Variants in NXPH1 observed in about 807,000 individuals in gnomAD.
NXPH1 encodes neurexophilin-1.
NXPH1 carries 5 observed loss-of-function variants against 23.7 expected under a neutral mutation model. The ratio of observed to expected loss-of-function variants is 0.21; its 90% confidence interval spans 0.11 to 0.44. The LOEUF (loss-of-function observed/expected upper bound fraction) is 0.44. Ranked by LOEUF, NXPH1 falls within the 20% of genes least tolerant of loss-of-function variation. The pLI is 0.99. For missense variants in NXPH1, 324 were observed against 321.6 expected, an observed-to-expected ratio of 1.01 and a Z score of -0.06; for synonymous variants, 144 against 122.2, an observed-to-expected ratio of 1.18 and a Z score of -1.18.
chr7:8,597,031 G>A (rs1562418647), intron 2 of NXPH1, among the ~76,000 whole-genome samples: 1 of 152,044 alleles, frequency 6.6e-6, no homozygotes, highest in Non-Finnish European at 1.5e-5. Context: ...AAAGCACTGA[G>A]GATAAAGAGA....
intron 2 of NXPH1, among the ~76,000 whole-genome samples, chr7:8,534,861 A>G (rs1479692176): frequency 6.6e-6 from 1 of 152,112 alleles, no homozygotes; most frequent in Non-Finnish European, 1.5e-5. Context: ...TTATGTACCT[A>G]CTAAATTGGA....
chr7:8,750,659 C>G (rs935159491), intron 2 of NXPH1, among the ~76,000 whole-genome samples: 1 of 152,076 alleles, frequency 6.6e-6, no homozygotes, highest in African/African-American at 2.4e-5. Context: ...GCTGGGTGGC[C>G]TTTTCTTCCA....
intron 2 of NXPH1, among the ~76,000 whole-genome samples, chr7:8,694,274 C>A (rs920022985): frequency 6.6e-6 from 1 of 152,126 alleles, no homozygotes; most frequent in Non-Finnish European, 1.5e-5. Context: ...TTCAGATGCC[C>A]CTATGTGCAT....
chr7:8,461,304 T>G lies in NXPH1; in HGVS notation c.54+25537T>G, dbSNP rs76344784. 6.0e-3 allele frequency among the ~76,000 whole-genome samples: 921 copies of G among 152,314 alleles called. 9 individuals carry two copies. Among genetic ancestry groups the G allele is most frequent in the African/African-American group, 0.021 (892 of 41,566 alleles). On this transcript the variant is annotated intron_variant, in intron 2 of 2. Coordinates refer to ENST00000405863, the MANE Select transcript of NXPH1 (RefSeq NM_152745.3). ...ATTCTCCAGGTTGTATTTTTTTTCCTTTCTCTCTTCTTTTGCTTAAAACAC... is the reference window on the plus strand; with the variant it reads ...ATTCTCCAGGTTGTATTTTTTTTCCGTTCTCTCTTCTTTTGCTTAAAACAC...
intron 2 of NXPH1, among the ~76,000 whole-genome samples, chr7:8,575,443 A>G (rs1000115545): frequency 3.9e-5 from 6 of 152,120 alleles, no homozygotes; most frequent in Non-Finnish European, 8.8e-5. Context: ...AGAAATTTGG[A>G]GTTCATGTTT....
rs534795807 is a variant in NXPH1, at chr7:8,634,958, T to G, written c.55-116050T>G. On this transcript the variant is annotated intron_variant, in intron 2 of 2. Coordinates refer to ENST00000405863, the MANE Select transcript of NXPH1 (RefSeq NM_152745.3). The stretch of plus-strand genomic sequence containing the variant: ...ACTTTCTGCTGTGTGTAGAAATGAC[T>G]CTTTTGCTTCTCACCATTGACATAT... Among the ~76,000 whole-genome samples the G allele has an allele frequency of 1.3e-4, 19 of 150,068 alleles. 1 individual carries two copies. Among genetic ancestry groups the G allele is most frequent in the South Asian group, 8.3e-4 (4 of 4,794 alleles).
chr7:8,556,401 A>T (rs1818359345), intron 2 of NXPH1, among the ~76,000 whole-genome samples: 1 of 151,672 alleles, frequency 6.6e-6, no homozygotes, highest in South Asian at 2.1e-4. Flanking sequence ...TTGCTCACTC[A>T]CCTGGCTGTC....
intron 2 of NXPH1, among the ~76,000 whole-genome samples, chr7:8,519,491 C>T (rs1457906428): frequency 1.3e-5 from 2 of 152,124 alleles, no homozygotes; most frequent in East Asian, 3.8e-4. Context: ...ACTGAAGATA[C>T]ACTTAAACTA....
intron 2 of NXPH1, among the ~76,000 whole-genome samples, chr7:8,696,541 T>C (rs7780955): frequency 0.11 from 17,086 of 152,180 alleles, 1,736 homozygotes; most frequent in African/African-American, 0.27. Flanking sequence ...GATATAACTT[T>C]TTAAACGGAC....
intron 2 of NXPH1, among the ~76,000 whole-genome samples, chr7:8,632,526 A>G (rs1016615736): frequency 1.3e-5 from 2 of 152,086 alleles, no homozygotes; most frequent in African/African-American, 4.8e-5. Context: ...GATTTTTCTC[A>G]CTTATATGCT....
intron 2 of NXPH1, among the ~76,000 whole-genome samples, chr7:8,695,871 C>G (rs1452308315): frequency 1.3e-5 from 2 of 152,096 alleles, no homozygotes; most frequent in Non-Finnish European, 2.9e-5. Context: ...CTCAGCTGTG[C>G]CCCAGTGAAT....
At chr7:8,440,348 A>G (rs1426693729) in intron 2 of NXPH1, among the ~76,000 whole-genome samples, 4 of 152,184 alleles carry the variant, frequency 2.6e-5, no homozygotes, top group Admixed American at 2.0e-4. Flanking sequence ...CCTTCTAGTG[A>G]CAGCTTTAGA....
At chr7:8,734,072 A>G (rs1238766905) in intron 2 of NXPH1, among the ~76,000 whole-genome samples, 1 of 152,172 alleles carries the variant, frequency 6.6e-6, no homozygotes, top group Admixed American at 6.5e-5. Context: ...GAAGGGGTCC[A>G]GTTTCTGTTT....
chr7:8,454,047 C>G (rs952502271), intron 2 of NXPH1, among the ~76,000 whole-genome samples: 4 of 151,948 alleles, frequency 2.6e-5, no homozygotes, highest in African/African-American at 9.7e-5. Context: ...GATGAGAACA[C>G]ATGGACATAT....
intron 2 of NXPH1, among the ~76,000 whole-genome samples, chr7:8,732,511 T>G (rs2115218340): frequency 6.6e-6 from 1 of 152,314 alleles, no homozygotes; most frequent in African/African-American, 2.4e-5. Context: ...AATTCCTACA[T>G]ATAGAACACT....
intron 2 of NXPH1, among the ~76,000 whole-genome samples, chr7:8,543,820 A>C (rs1308055026): frequency 6.6e-6 from 1 of 151,696 alleles, no homozygotes; most frequent in East Asian, 1.9e-4. Context: ...AGCTTTTTAA[A>C]TAAATGATTG....
chr7:8,631,239 C>G (rs1820122214), intron 2 of NXPH1, among the ~76,000 whole-genome samples: 1 of 152,080 alleles, frequency 6.6e-6, no homozygotes, highest in African/African-American at 2.4e-5. Context: ...AATAAACATA[C>G]ATGTGCATGC....
chr7:8,619,463 C>G (rs1819817434), intron 2 of NXPH1, among the ~76,000 whole-genome samples: 1 of 152,152 alleles, frequency 6.6e-6, no homozygotes, highest in South Asian at 2.1e-4. Context: ...AAATGATGTT[C>G]AATGCTCTTT....
At chr7:8,717,434 C>A (rs1779895495) in intron 2 of NXPH1, among the ~76,000 whole-genome samples, 2 of 152,192 alleles carry the variant, frequency 1.3e-5, no homozygotes, top group African/African-American at 2.4e-5. Flanking sequence ...GCAAAATGTT[C>A]CTAGGATTCG....
Sources: allele counts gnomAD v4.1 joint callset (sites outside exome capture counted in the v4.1 genomes callset), GRCh38; gene constraint gnomAD v4.1.1; transcripts MANE v1.5; gene names NCBI Gene and HGNC (gene_info 2026-07-23, HGNC 2026-07-21).